MARCHF7: variants seen among roughly 807,000 people sequenced by gnomAD.
MARCHF7 encodes the protein membrane associated ring-CH-type finger 7, also known as E3 ubiquitin-protein ligase MARCHF7.
Under a neutral mutation model 76.5 loss-of-function variants are expected in MARCHF7, and 20 were observed. That is an observed-to-expected ratio of 0.26 (90% CI 0.18 to 0.38). MARCHF7 has a LOEUF of 0.38. Among genes scored for constraint, MARCHF7 ranks in the 10% least tolerant of loss-of-function variants. The pLI, the probability that MARCHF7 is intolerant of heterozygous loss-of-function variation, is 1.00. For synonymous variants in MARCHF7, 295 were observed against 293.0 expected (o/e 1.01, Z -0.07); for missense variants, 797 against 812.9 (o/e 0.98, Z 0.24).
intron 5 of MARCHF7, 114 bp downstream of exon 5, chr2:159,743,367 T>G: frequency 1.1e-6 from 1 of 942,994 alleles, no homozygotes; most frequent in South Asian, 1.8e-5. Context: ...GGGTCAGAAA[T>G]GTAGTGGAAT....
intron 4 of MARCHF7, among the ~76,000 whole-genome samples, chr2:159,734,312 G>A (rs909637500): frequency 1.4e-5 from 2 of 141,164 alleles, no homozygotes; most frequent in Non-Finnish European, 3.1e-5. Context: ...GCTTTTTAAA[G>A]TTATTGATAC....
intron 3 of MARCHF7, among the ~76,000 whole-genome samples, chr2:159,716,931 C>G (rs1443177510): frequency 6.6e-6 from 1 of 152,196 alleles, no homozygotes; most frequent in Non-Finnish European, 1.5e-5. Flanking sequence ...AACAACTGTT[C>G]ACTGTTTTTT....
In MARCHF7 at chr2:159,770,674, T is replaced by C. The variant is rs1708116456; in HGVS notation, c.*3332T>C. The stretch of plus-strand genomic sequence containing the variant: ...TAGTAGACCATATTTTTACTGTACC[T>C]TTTCTATATTTAGATACACAAATAT... On this transcript the variant is annotated 3_prime_UTR_variant, in exon 12 of 12. Transcript: ENST00000409175. 1 of 152,136 alleles carries C rather than the reference T, an allele frequency of 6.6e-6. No homozygotes were observed. Among genetic ancestry groups the C allele is most frequent in the African/African-American group, 2.4e-5 (1 of 41,430 alleles). 9.4% of individuals were successfully genotyped at this position (152,136 alleles called of 1,614,324 possible).
At chr2:159,767,227 C>T in intron 11 of MARCHF7, 57 bp from the exon 12 acceptor site, 1 of 1,243,066 alleles carries the variant, frequency 8.0e-7, no homozygotes, top group South Asian at 1.2e-5. Context: ...CATATTTACA[C>T]TTCCCATTCT....
intron 4 of MARCHF7, among the ~76,000 whole-genome samples, chr2:159,736,871 A>G (rs575480932): frequency 6.6e-6 from 1 of 152,338 alleles, no homozygotes; most frequent in East Asian, 1.9e-4. Flanking sequence ...GATTTCTCAG[A>G]TACACTATAT....
chr2:159,743,202 T>G lies in MARCHF7; in HGVS notation c.295T>G (p.Cys99Gly). ...AAGACCTAAACTTTCCTGTACAAACTGTACTACCTCAGCTGGGAGAAATGT... is the reference window on the plus strand; with the variant it reads ...AAGACCTAAACTTTCCTGTACAAACGGTACTACCTCAGCTGGGAGAAATGT... The part of the protein sequence containing the change: ...SKRPKLSCTN[C>G]TTSAGRNVGN... Residue 99 changes from cysteine (C) to glycine (G), a missense_variant, in exon 5 of 12, where the codon TGT becomes GGT. Cys to Gly is a radical substitution (Grantham distance 159). Transcript: ENST00000409175. 1.2e-6 allele frequency: 2 copies of G among 1,614,208 alleles called. No homozygotes were observed. Among genetic ancestry groups the G allele is most frequent in the South Asian group, 2.2e-5 (2 of 91,088 alleles).
chr2:159,732,937 A>T (rs1702991756), intron 4 of MARCHF7: 4 of 985,066 alleles, frequency 4.1e-6, no homozygotes, highest in Non-Finnish European at 4.8e-6. Flanking sequence ...AAGATTGTTC[A>T]TCTTAATTGT....
Position 159,765,325 on chromosome 2 carries a change from G to A in MARCHF7, c.2056+651G>A, listed in dbSNP as rs138669246. Among the ~76,000 whole-genome samples, 432 of 152,040 alleles carry A rather than the reference G, an allele frequency of 2.8e-3. No homozygotes were observed. In the Middle Eastern group the frequency reaches 0.044, roughly 16 times the overall value. ...AGGATTTCTGGCTGGGATTATAAGT[G>A]AAGGCACTTAATTCTCAAATCTCTA... On this transcript the variant is annotated intron_variant, in intron 11 of 11. Transcript: ENST00000409175.
chr2:159,743,272 A>G lies in MARCHF7; in HGVS notation c.346+19A>G. On this transcript the variant is annotated intron_variant, in intron 5 of 11. Transcript: ENST00000409175. ...TTATCAGGTAAGAATGAGTTTCTGT[A>G]GGTATTTTAAGCCGTTTTTCTCCAG... 6.2e-7 allele frequency: 1 copy of G among 1,601,406 alleles called. No individual in the cohort carries two copies. Among genetic ancestry groups the G allele is most frequent in the Non-Finnish European group, 8.5e-7 (1 of 1,171,900 alleles).
In MARCHF7 at chr2:159,752,389, C is replaced by T; in HGVS notation, c.1614-13C>T. 6.4e-7 allele frequency: 1 copy of T among 1,559,060 alleles called. No homozygotes were observed. The highest frequency in any genetic ancestry group is 8.7e-7 in the Non-Finnish European group (1 of 1,153,930). On this transcript the variant is annotated splice_polypyrimidine_tract_variant and intron_variant, in intron 7 of 11. Coordinates refer to ENST00000409175, the MANE Select transcript of MARCHF7 (RefSeq NM_001282805.2). ...AGTTATGATAGCTTTGGGAAATGTG[C>T]CTTCTTTTCCAGCCTCCTTTTAGAG...
rs1158635153 is a variant in MARCHF7 at position 159,767,397 on chromosome 2, A to G, written c.*55A>G. ...AACATAAGTGTTTATTAAAAATGGCAATTAAATATAAATTACTTTTGTGGG... is the reference window on the plus strand; with the variant it reads ...AACATAAGTGTTTATTAAAAATGGCGATTAAATATAAATTACTTTTGTGGG... On this transcript the variant is annotated 3_prime_UTR_variant, in exon 12 of 12. Coordinates refer to ENST00000409175, the MANE Select transcript of MARCHF7 (RefSeq NM_001282805.2). 5.2e-6 allele frequency: 7 copies of G among 1,336,706 alleles called. No individual in the cohort carries two copies. Among genetic ancestry groups the G allele is most frequent in the Non-Finnish European group, 5.3e-6 (5 of 941,298 alleles). The allele number at this position is 1,336,706 out of a possible 1,614,324, so 82.8% of individuals were successfully genotyped here. A position where few individuals can be genotyped will look rare whatever the true frequency, so the allele number is the denominator to read the frequency against.
intron 1 of MARCHF7, among the ~76,000 whole-genome samples, chr2:159,714,280 A>T (rs1456641398): frequency 2.0e-5 from 3 of 152,220 alleles, no homozygotes; most frequent in African/African-American, 7.2e-5. Flanking sequence ...AATTTGTTGT[A>T]GTCAAATTAC....
chr2:159,759,077 A>G (rs1245558933), intron 8 of MARCHF7, 149 bp from the exon 9 acceptor site: 5 of 554,524 alleles, frequency 9.0e-6, no homozygotes, highest in Non-Finnish European at 1.6e-5. Context: ...ATTAGGGGAC[A>G]TTACTGGTTT....
chr2:159,715,946 C>T (rs180834439), intron 3 of MARCHF7, among the ~76,000 whole-genome samples, 180 bp downstream of exon 3: 2 of 152,130 alleles, frequency 1.3e-5, no homozygotes, highest in African/African-American at 4.8e-5. Flanking sequence ...TACTTAAGAT[C>T]GAAACTTGAT....
chr2:159,719,957 T>C (rs1701449754), intron 3 of MARCHF7, among the ~76,000 whole-genome samples: 1 of 152,148 alleles, frequency 6.6e-6, no homozygotes, highest in African/African-American at 2.4e-5. Flanking sequence ...ACCTTCAGAG[T>C]ATTCCAGTAG....
At chr2:159,735,981 A>C (rs1703406508) in intron 4 of MARCHF7, among the ~76,000 whole-genome samples, 1 of 152,006 alleles carries the variant, frequency 6.6e-6, no homozygotes, top group Admixed American at 6.6e-5. Context: ...TTCAAAACTA[A>C]CCTGATATGG....
chr2:159,747,796 CA>C lies in MARCHF7; in HGVS notation c.515-4del, dbSNP rs1469174996. The C allele has an allele frequency of 1.3e-6, 2 of 1,547,784 alleles. No individual in the cohort carries two copies. Among genetic ancestry groups the C allele is most frequent in the African/African-American group, 1.4e-5 (1 of 72,002 alleles). On this transcript the variant is annotated splice_region_variant and splice_polypyrimidine_tract_variant and intron_variant, in intron 6 of 11. Coordinates refer to ENST00000409175, the MANE Select transcript of MARCHF7 (RefSeq NM_001282805.2). ...TTCATGTAATTGGTTATCTTCCTTT[CA>C]AAAATAGATGTTCAAGACAGAGTTC...
At chr2:159,719,904 G>T (rs1353525331) in intron 3 of MARCHF7, among the ~76,000 whole-genome samples, 2 of 152,150 alleles carry the variant, frequency 1.3e-5, no homozygotes, top group Admixed American at 6.5e-5. Flanking sequence ...ACTTTGTTTT[G>T]TCTGTAGTCG....
chr2:159,719,231 A>T (rs944278599), intron 3 of MARCHF7, among the ~76,000 whole-genome samples: 3 of 152,000 alleles, frequency 2.0e-5, no homozygotes, highest in Non-Finnish European at 4.4e-5. Flanking sequence ...TTTTTTGTAG[A>T]GACGGGGTGT....
Sources: gnomAD v4.1 joint callset for allele counts (sites outside exome capture counted in the v4.1 genomes callset) on GRCh38, gnomAD v4.1.1 for gene constraint, MANE v1.5 for transcripts, NCBI Gene and HGNC (gene_info 2026-07-23, HGNC 2026-07-21) for gene names.